The following TIMM44 variants were observed in gnomAD, a reference collection of about 807,000 sequenced individuals.
TIMM44 encodes the protein translocase of inner mitochondrial membrane 44, also known as mitochondrial import inner membrane translocase subunit TIM44.
A neutral mutation model predicts 63.8 loss-of-function variants in TIMM44; 37 were observed. The ratio of observed to expected loss-of-function variants is 0.58; its 90% CI spans 0.45 to 0.76. The LOEUF is 0.76. TIMM44 is among the 30% of genes least tolerant of loss of function. The pLI, the probability that TIMM44 is intolerant of heterozygous loss-of-function variation, is 0.00. For missense variants in TIMM44, 573 were observed against 603.8 expected, an observed-to-expected ratio of 0.95 and a Z score of 0.54; for synonymous variants, 239 against 245.1, an observed-to-expected ratio of 0.98 and a Z score of 0.23.
At position 7,933,031 on chromosome 19, in the gene TIMM44, AC is replaced by A; in HGVS notation, c.770-100del. The A allele has an allele frequency of 1.0e-6, 1 of 966,806 alleles. No individual in the cohort carries two copies. The allele number at this position is 966,806 out of a possible 1,614,324, so 59.9% of individuals were successfully genotyped here. A position where few individuals can be genotyped will look rare whatever the true frequency, so the allele number is the denominator to read the frequency against. On this transcript the variant is annotated intron_variant, in intron 7 of 12. Coordinates refer to ENST00000270538, the MANE Select transcript of TIMM44 (RefSeq NM_006351.4). The surrounding 1 kb of genome is among the most constrained non-coding windows in gnomAD (Gnocchi z 4.3). Reference sequence around the variant, plus strand: ...GCTCCCTGTGACCCCTGCGGGATCCACCCTGACACGGGTGGGGTCAGGGAGG... The same window carrying A: ...GCTCCCTGTGACCCCTGCGGGATCCACCTGACACGGGTGGGGTCAGGGAGG...
At chr19:7,939,124 G>A (rs985749503) in intron 2 of TIMM44, among the ~76,000 whole-genome samples, 5 of 151,948 alleles carry the variant, frequency 3.3e-5, no homozygotes, top group African/African-American at 7.3e-5. Flanking sequence ...AGAGGGAACC[G>A]GAAGGTAAAC....
At chr19:7,942,075 G>A (rs1031823296) in intron 1 of TIMM44, among the ~76,000 whole-genome samples, 7 of 152,206 alleles carry the variant, frequency 4.6e-5, no homozygotes, top group Admixed American at 2.6e-4. Context: ...CTGGCTGGGC[G>A]CGGTGGCTCA....
Position 7,931,049 on chromosome 19 carries a change from T to C in TIMM44, c.1038+89A>G, listed in dbSNP as rs145328206. 9.7e-3 allele frequency: 12,218 copies of C among 1,257,948 alleles called. 93 individuals carry two copies. The highest frequency in any genetic ancestry group is 0.01 in the Non-Finnish European group (9,103 of 883,958). 77.9% of individuals were successfully genotyped at this position (1,257,948 alleles called of 1,614,324 possible). ...AGCCCAGGTCCTGCCTGTTGGGAGC[T>C]ACCCCAACGGAGCCACCGAAGTGGA... On this transcript the variant is annotated intron_variant, in intron 10 of 12. Transcript: ENST00000270538.
Position 7,927,026 on chromosome 19 carries a change from C to T in TIMM44, c.*161G>A. The stretch of plus-strand genomic sequence containing the variant: ...CAGCTGCCGCGCACCCGCAACAGCC[C>T]GTTGTCCCCTCCCGGGCCAGCTGGT... On this transcript the variant is annotated 3_prime_UTR_variant, in exon 13 of 13. Transcript: ENST00000270538. The T allele has an allele frequency of 1.9e-6, 2 of 1,052,788 alleles. No homozygotes were observed. Among genetic ancestry groups the T allele is most frequent in the African/African-American group, 1.6e-5 (1 of 63,834 alleles). The allele number at this position is 1,052,788 out of a possible 1,614,324, so 65.2% of individuals were successfully genotyped here.
Position 7,933,631 on chromosome 19 carries a change from G to A in TIMM44, c.684-61C>T. The A allele has an allele frequency of 6.8e-7, 1 of 1,477,522 alleles. No homozygotes were observed. The highest frequency in any genetic ancestry group is 9.5e-7 in the Non-Finnish European group (1 of 1,056,370). The allele number at this position is 1,477,522 out of a possible 1,614,324, so 91.5% of individuals were successfully genotyped here. ...CGCCAGGGCCACCCTGTGCCCTCCTGCGGCTGCAGGCAGGGGGCAGTACAG... is the reference window on the plus strand; with the variant it reads ...CGCCAGGGCCACCCTGTGCCCTCCTACGGCTGCAGGCAGGGGGCAGTACAG... On this transcript the variant is annotated intron_variant, in intron 6 of 12. Transcript: ENST00000270538. This position sits in a 1 kb window ranked among gnomAD's most constrained non-coding sequence, Gnocchi z 4.3.
At chr19:7,939,609 T>G (rs1984247813) in intron 2 of TIMM44, among the ~76,000 whole-genome samples, 1 of 103,418 alleles carries the variant, frequency 9.7e-6, no homozygotes, top group African/African-American at 3.6e-5. Flanking sequence ...TGAGACTCCA[T>G]CTCAAAAAAA....
rs981807182 is a variant in TIMM44 at position 7,927,304 on chromosome 19, G to A, written c.1242C>T (p.Asp414=). ...ACACGTACAGCATCCGCAGCACCTT[G>A]TCCTGCAGGGTGGGGTGGGAAGGGC... ...PKGEVVEGDP[D]KVLRMLYVWA... is the part of the protein sequence containing the mutation. The change falls in exon 13 of 13, where the codon GAC becomes GAT. Residue 414 remains aspartate (D), a splice_region_variant and synonymous_variant. Coordinates refer to ENST00000270538, the MANE Select transcript of TIMM44 (RefSeq NM_006351.4). The A allele has an allele frequency of 6.2e-7, 1 of 1,610,572 alleles. No individual in the cohort carries two copies.
rs758350311 is a variant in TIMM44, at chr19:7,927,192, G to A, written c.1354C>T (p.Leu452Phe). ...DISASSTEQI[L>F] Reference sequence around the variant, plus strand: ...ACCTGGCTCCGGCACCACACTCAGAGAATCTGCTCGGTGCTGGAGGCCGAG... The same window carrying A: ...ACCTGGCTCCGGCACCACACTCAGAAAATCTGCTCGGTGCTGGAGGCCGAG... The change falls in exon 13 of 13, where the codon CTC (leucine) becomes TTC (phenylalanine). Residue 452 changes from leucine (L) to phenylalanine (F), a missense_variant. By Grantham distance (22) the Leu-to-Phe change is conservative. Coordinates refer to ENST00000270538, the MANE Select transcript of TIMM44 (RefSeq NM_006351.4). 3 of 1,608,690 alleles carry A rather than the reference G, an allele frequency of 1.9e-6. No homozygotes were observed. Among genetic ancestry groups the A allele is most frequent in the East Asian group, 2.2e-5 (1 of 44,872 alleles).
intron 1 of TIMM44, among the ~76,000 whole-genome samples, chr19:7,942,835 G>GT (rs1984348567): frequency 6.7e-6 from 1 of 149,700 alleles, no homozygotes; most frequent in Non-Finnish European, 1.5e-5. Flanking sequence ...TAATTTTTTT[G>GT]TATTTTTAGT....
In TIMM44 at chr19:7,943,501, G is replaced by C; in HGVS notation, c.45+106C>G. Reference sequence around the variant, plus strand: ...GATCTAACCCCAAGCTTTCTAAGGAGCCCAAGCAAGGGTCGCGAAGGCCAA... The same window carrying C: ...GATCTAACCCCAAGCTTTCTAAGGACCCCAAGCAAGGGTCGCGAAGGCCAA... On this transcript the variant is annotated intron_variant, in intron 1 of 12. Coordinates refer to ENST00000270538, the MANE Select transcript of TIMM44 (RefSeq NM_006351.4). This position sits in a 1 kb window ranked among gnomAD's most constrained non-coding sequence, Gnocchi z 4.3. 3 of 1,305,044 alleles carry C rather than the reference G, an allele frequency of 2.3e-6. No individual in the cohort carries two copies. Among genetic ancestry groups the C allele is most frequent in the Non-Finnish European group, 3.2e-6 (3 of 936,502 alleles). 80.8% of individuals were successfully genotyped at this position (1,305,044 alleles called of 1,614,324 possible).
intron 12 of TIMM44, 129 bp downstream of exon 12, chr19:7,927,528 G>A (rs1296544890): frequency 4.4e-6 from 5 of 1,132,830 alleles, no homozygotes; most frequent in Admixed American, 1.7e-5. Flanking sequence ...CTGGCCCAGA[G>A]GTTTCTCCAC....
intron 1 of TIMM44, 104 bp from the exon 2 acceptor site, chr19:7,941,301 ATTT>A (rs373554761): frequency 1.0e-3 from 689 of 664,082 alleles, no homozygotes; most frequent in Non-Finnish European, 1.2e-3. Context: ...CTCACTGGCC[ATTT>A]TTTTTTTTTT....
chr19:7,935,160 C>A lies in TIMM44; in HGVS notation c.313-15G>T. 1 of 1,547,576 alleles carries A rather than the reference C, an allele frequency of 6.5e-7. No individual in the cohort carries two copies. The highest frequency in any genetic ancestry group is 1.4e-5 in the African/African-American group (1 of 71,244). ...TCGATGGTTTTCTAGGTAAAGAGCG[C>A]TGTGTCCTTTTTTTTTTTTTTTTTT... is the stretch of plus-strand genomic sequence containing the variant. On this transcript the variant is annotated splice_polypyrimidine_tract_variant and intron_variant, in intron 3 of 12. Transcript: ENST00000270538.
intron 9 of TIMM44, chr19:7,931,861 G>T (rs1426469556): frequency 6.4e-6 from 1 of 156,614 alleles, no homozygotes; most frequent in Non-Finnish European, 1.4e-5. Flanking sequence ...AAGGCACTGC[G>T]GTGCTCAGGC....
chr19:7,927,489 T>A (rs776528899), intron 12 of TIMM44, 168 bp downstream of exon 12: 2 of 1,013,138 alleles, frequency 2.0e-6, no homozygotes, highest in Non-Finnish European at 3.0e-6. Flanking sequence ...ACAGGTCTGC[T>A]GGTCTCCGAC....
At chr19:7,936,824 G>A (rs1984167806) in intron 3 of TIMM44, among the ~76,000 whole-genome samples, 1 of 152,084 alleles carries the variant, frequency 6.6e-6, no homozygotes, top group Non-Finnish European at 1.5e-5. Context: ...TATAGGGCTG[G>A]GCGCACTGGC....
chr19:7,932,780 G>A (rs1984023497), intron 8 of TIMM44, 29 bp from the exon 9 acceptor site: 1 of 1,614,064 alleles, frequency 6.2e-7, no homozygotes, highest in East Asian at 2.2e-5. Flanking sequence ...GGAGTTCGGG[G>A]GGAAGGCCGG....
At chr19:7,942,322 GCTCATGC>G (rs1984332720) in intron 1 of TIMM44, among the ~76,000 whole-genome samples, 1 of 152,106 alleles carries the variant, frequency 6.6e-6, no homozygotes, top group Admixed American at 6.5e-5. Flanking sequence ...TGAGCTGGTG[GCTCATGC>G]CTGTAATCCC....
chr19:7,941,082 G>A lies in TIMM44; in HGVS notation c.141+20C>T, dbSNP rs376394862. The A allele has an allele frequency of 2.2e-5, 36 of 1,606,464 alleles. No individual in the cohort carries two copies. In the African/African-American group the frequency reaches 4.4e-4, roughly 20 times the overall value. Reference sequence around the variant, plus strand: ...GGGCCTCCCCTGTGTCTGCTGGCCCGAGCATCCTGAGTCACTCACCAGTGG... The same window carrying A: ...GGGCCTCCCCTGTGTCTGCTGGCCCAAGCATCCTGAGTCACTCACCAGTGG... On this transcript the variant is annotated intron_variant, in intron 2 of 12. Coordinates refer to ENST00000270538, the MANE Select transcript of TIMM44 (RefSeq NM_006351.4).
Sources: gnomAD v4.1 joint callset for allele counts (sites outside exome capture counted in the v4.1 genomes callset) on GRCh38, gnomAD v4.1.1 for gene constraint, Gnocchi (gnomAD v3.1) non-coding constraint, MANE v1.5 for transcripts, NCBI Gene and HGNC (gene_info 2026-07-23, HGNC 2026-07-21) for gene names.